DAB1: variants seen among roughly 807,000 people sequenced by gnomAD.
The protein encoded by DAB1 is disabled homolog 1.
Under a neutral mutation model 64.6 loss-of-function variants are expected in DAB1, and 15 were observed. The observed-to-expected ratio is 0.23, with a 90% CI of 0.16 to 0.36. DAB1 has a LOEUF of 0.36. DAB1 is among the 10% of genes least tolerant of loss of function. DAB1 has a pLI of 1.00. For synonymous variants in DAB1, 235 were observed against 251.9 expected (o/e 0.93, Z 0.64); for missense variants, 596 against 706.7 (o/e 0.84, Z 1.78).
chr1:58,158,016 GA>G (rs1426207385), intron 4 of DAB1, among the ~76,000 whole-genome samples: 1 of 152,128 alleles, frequency 6.6e-6, no homozygotes, highest in African/African-American at 2.4e-5. Context: ...GTTACTTAGG[GA>G]AAACAGCCCA....
chr1:57,649,543 G>A (rs971845966), intron 7 of DAB1: 8 of 152,106 alleles, frequency 5.3e-5, no homozygotes, highest in African/African-American at 1.9e-4. Flanking sequence ...TTCCCAAAGA[G>A]AAAGATTTTC....
At chr1:58,080,283 C>T (rs1649917413) in intron 5 of DAB1, 1 of 152,136 alleles carries the variant, frequency 6.6e-6, no homozygotes, top group South Asian at 2.1e-4. Context: ...AATCAAGATT[C>T]TGAGAGTTTG....
intron 7 of DAB1, among the ~76,000 whole-genome samples, chr1:57,513,890 C>G (rs957615947): frequency 9.3e-5 from 14 of 151,278 alleles, no homozygotes; most frequent in Admixed American, 7.9e-4. Context: ...CCATTTCACT[C>G]TCTGCTTCTA....
intron 4 of DAB1, among the ~76,000 whole-genome samples, chr1:58,244,601 C>T (rs1338967655): frequency 6.6e-6 from 1 of 152,156 alleles, no homozygotes; most frequent in African/African-American, 2.4e-5. Flanking sequence ...AAAACAAGAA[C>T]AGTCTCCACA....
intron 7 of DAB1, among the ~76,000 whole-genome samples, chr1:57,544,843 T>C (rs1381641238): frequency 1.3e-5 from 2 of 152,198 alleles, no homozygotes; most frequent in African/African-American, 2.4e-5. Flanking sequence ...TGTGTTTGCT[T>C]CCCTTTCCAC....
chr1:58,241,934 T>C (rs1198226053), intron 4 of DAB1, among the ~76,000 whole-genome samples: 1 of 152,102 alleles, frequency 6.6e-6, no homozygotes, highest in African/African-American at 2.4e-5. Context: ...CACTGAAAAG[T>C]GCATACACTT....
chr1:57,164,583 A>T lies in DAB1; in HGVS notation c.68-19154T>A, dbSNP rs564832628. Among the ~76,000 whole-genome samples, 41 of 152,238 alleles carry T rather than the reference A, an allele frequency of 2.7e-4. No individual in the cohort carries two copies. In the South Asian group the frequency reaches 5.8e-3, roughly 22 times the overall value. Reference sequence around the variant, plus strand: ...GGTATTCAAGCAGAGAGAGGAGTCAATCTCACCTAGTGACCAGCATCGTAA... The same window carrying T: ...GGTATTCAAGCAGAGAGAGGAGTCATTCTCACCTAGTGACCAGCATCGTAA... On this transcript the variant is annotated intron_variant, in intron 2 of 14. Transcript: ENST00000371236.
intron 3 of DAB1, among the ~76,000 whole-genome samples, chr1:58,504,609 C>T (rs969570784): frequency 6.6e-6 from 1 of 152,124 alleles, no homozygotes; most frequent in Admixed American, 6.5e-5. Flanking sequence ...AGAAAACAGA[C>T]TGTTTTGTTC....
chr1:57,665,279 T>A (rs56945151), intron 6 of DAB1, among the ~76,000 whole-genome samples: 1 of 152,028 alleles, frequency 6.6e-6, no homozygotes, highest in Non-Finnish European at 1.5e-5. Context: ...ACATGAAAAT[T>A]AACAAAATTT....
intron 6 of DAB1, among the ~76,000 whole-genome samples, chr1:57,809,026 G>A (rs953827619): frequency 2.0e-5 from 3 of 152,078 alleles, no homozygotes; most frequent in African/African-American, 2.4e-5. Context: ...GAAGCTCCTC[G>A]GAAAATATGA....
intron 4 of DAB1, among the ~76,000 whole-genome samples, chr1:57,121,132 GA>G (rs1279718414): frequency 2.6e-4 from 35 of 136,366 alleles, no homozygotes; most frequent in Admixed American, 1.3e-3. Context: ...AAGAAGAAGA[GA>G]AGAAGAAGGA....
intron 6 of DAB1, among the ~76,000 whole-genome samples, chr1:57,777,834 G>A (rs1159346687): frequency 6.6e-6 from 1 of 151,824 alleles, no homozygotes; most frequent in African/African-American, 2.4e-5. Context: ...ATTTTTTTGT[G>A]GGACAGGATG....
At chr1:57,514,244 C>G (rs1429794380) in intron 7 of DAB1, among the ~76,000 whole-genome samples, 2 of 152,166 alleles carry the variant, frequency 1.3e-5, no homozygotes, top group Non-Finnish European at 2.9e-5. Context: ...AATTTGTAAT[C>G]TTTTAAGGAA....
At chr1:58,332,113 A>G (rs1662983329) in intron 4 of DAB1, among the ~76,000 whole-genome samples, 1 of 152,154 alleles carries the variant, frequency 6.6e-6, no homozygotes, top group Non-Finnish European at 1.5e-5. Flanking sequence ...TATATGGCTT[A>G]TACTAAGATT....
intron 4 of DAB1, among the ~76,000 whole-genome samples, chr1:58,336,921 T>C (rs535071484): frequency 6.6e-6 from 1 of 152,222 alleles, no homozygotes; most frequent in East Asian, 1.9e-4. Flanking sequence ...ACTTATTGAA[T>C]GCAGTGCCTA....
Position 57,809,957 on chromosome 1 carries a change from T to C in DAB1, n.551+74042A>G, listed in dbSNP as rs1651540617. ...AGGTCCAGCTAATCAGAAAGTGTTA[T>C]TAGGGCTTTCCAAATTTCCTGTTGC... On this transcript the variant is annotated intron_variant and non_coding_transcript_variant, in intron 6 of 20. Transcript: ENST00000485760. Among the ~76,000 whole-genome samples, 3 of 152,276 alleles carry C rather than the reference T, an allele frequency of 2.0e-5. No homozygotes were observed. In the South Asian group the frequency reaches 6.2e-4, roughly 32 times the overall value.
intron 3 of DAB1, among the ~76,000 whole-genome samples, chr1:58,487,765 A>G (rs930540610): frequency 3.3e-5 from 5 of 152,164 alleles, no homozygotes; most frequent in African/African-American, 1.2e-4. Flanking sequence ...TCCTAGCTGC[A>G]TCCACTCTAG....
At chr1:57,177,598 T>C (rs197111) in intron 2 of DAB1, among the ~76,000 whole-genome samples, 140,981 of 152,132 alleles carry the variant, frequency 0.93, 65,395 homozygotes, top group Middle Eastern at 0.98. Flanking sequence ...CTAAAGCGCA[T>C]GGCCATGGAA....
At chr1:58,519,046 G>A (rs578107710) in intron 2 of DAB1, among the ~76,000 whole-genome samples, 4 of 152,162 alleles carry the variant, frequency 2.6e-5, no homozygotes, top group Admixed American at 6.5e-5. Context: ...CTTATTGCTC[G>A]CTTCTTTGGC....
Sources: allele counts gnomAD v4.1 joint callset (sites outside exome capture counted in the v4.1 genomes callset), GRCh38; gene constraint gnomAD v4.1.1; transcripts MANE v1.5; gene names NCBI Gene and HGNC (gene_info 2026-07-23, HGNC 2026-07-21).